DMD: variants seen among roughly 807,000 people sequenced by gnomAD.
DMD encodes dystrophin.
Under a neutral mutation model 330.1 loss-of-function variants are expected in DMD, and 63 were observed. The ratio of observed to expected loss-of-function variants is 0.19; its 90% CI spans 0.16 to 0.24. DMD has a LOEUF of 0.24. DMD is among the 10% of genes least tolerant of loss of function. The pLI, the probability that DMD is intolerant of heterozygous loss-of-function variation, is 1.00. For synonymous variants in DMD, 1,223 were observed against 959.8 expected (o/e 1.27, Z -5.07); for missense variants, 3,344 against 2,684.1 (o/e 1.25, Z -5.43).
intron 1 of DMD, among the ~76,000 whole-genome samples, chrX:33,229,902 T>C (rs1314473315): frequency 8.9e-6 from 1 of 112,198 alleles, no homozygotes; most frequent in African/African-American, 3.2e-5. Flanking sequence ...TAGCAGAGTA[T>C]ATCTCTCCAT....
chrX:32,907,971 A>G (rs1416865176), intron 2 of DMD, among the ~76,000 whole-genome samples: 1 of 111,362 alleles, frequency 9.0e-6, no homozygotes, highest in Non-Finnish European at 1.9e-5. Flanking sequence ...TACACATGAC[A>G]CATCTCTTTA....
intron 1 of DMD, among the ~76,000 whole-genome samples, chrX:33,048,234 G>C (rs2094408735): frequency 9.0e-6 from 1 of 111,602 alleles, no homozygotes; most frequent in Admixed American, 9.6e-5. Flanking sequence ...ACTGCATTTG[G>C]TGTCAACAGT....
At chrX:33,150,104 A>G (rs1034274405) in intron 1 of DMD, among the ~76,000 whole-genome samples, 4 of 110,917 alleles carry the variant, frequency 3.6e-5, no homozygotes, top group Non-Finnish European at 7.5e-5. Context: ...TTAGCTGAAG[A>G]ATAAACAGGC....
At chrX:31,226,681 T>C (rs747428815) in intron 63 of DMD, among the ~76,000 whole-genome samples, 3 of 111,243 alleles carry the variant, frequency 2.7e-5, no homozygotes, top group Non-Finnish European at 3.8e-5. Context: ...TGGTATGAAT[T>C]GTCTTGCGGC....
Position 31,238,243 on chromosome X carries a change from T to C in DMD, c.9287-15122A>G, listed in dbSNP as rs147138448. ...GTCTTTTGGATTGCCTCCTACTTCA[T>C]AGCAGACAGGGCTCATTCCCCCTTT... On this transcript the variant is annotated intron_variant, in intron 63 of 78. Transcript: ENST00000357033. Among the ~76,000 whole-genome samples the C allele has an allele frequency of 8.0e-3, 894 of 111,484 alleles. 9 individuals are homozygous for C. Among genetic ancestry groups the C allele is most frequent in the African/African-American group, 0.028 (848 of 30,658 alleles).
intron 11 of DMD, among the ~76,000 whole-genome samples, chrX:32,639,990 C>T (rs904655621): frequency 7.3e-5 from 8 of 109,671 alleles, no homozygotes. Context: ...TCACTTGAGG[C>T]CAGGAGCTTG....
intron 62 of DMD, among the ~76,000 whole-genome samples, chrX:31,267,690 G>T: frequency 8.9e-6 from 1 of 112,488 alleles, no homozygotes. Context: ...GAAGGAACTT[G>T]TTTCTAATAG....
chrX:32,259,549 TTATTA>T (rs67738950), intron 43 of DMD, among the ~76,000 whole-genome samples: 13,287 of 110,792 alleles, frequency 0.12, 595 homozygotes, highest in Non-Finnish European at 0.13. Context: ...GGATTTGATA[TTATTA>T]TATTAAATTT....
chrX:31,419,797 A>G (rs1473771191), intron 60 of DMD, among the ~76,000 whole-genome samples: 1 of 112,041 alleles, frequency 8.9e-6, no homozygotes, highest in African/African-American at 3.2e-5. Context: ...GTAGAGCTGG[A>G]GTAGGTCATC....
intron 41 of DMD, among the ~76,000 whole-genome samples, chrX:32,326,036 C>A (rs2097649009): frequency 8.9e-6 from 1 of 111,904 alleles, no homozygotes; most frequent in Non-Finnish European, 1.9e-5. Context: ...TGCTTCAATT[C>A]TCCCCATGTA....
At chrX:31,875,757 A>C (rs1287765176) in intron 47 of DMD, among the ~76,000 whole-genome samples, 1 of 112,484 alleles carries the variant, frequency 8.9e-6, no homozygotes, top group Non-Finnish European at 1.9e-5. Flanking sequence ...CTTCCTTTGC[A>C]GTTATAAAAA....
intron 7 of DMD, among the ~76,000 whole-genome samples, chrX:32,720,270 A>G (rs1223617047): frequency 1.8e-5 from 2 of 111,279 alleles, no homozygotes; most frequent in Non-Finnish European, 3.8e-5. Flanking sequence ...ATGCATTTTA[A>G]CGGTCTAATA....
intron 37 of DMD, among the ~76,000 whole-genome samples, chrX:32,349,783 T>G (rs1446722304): frequency 8.9e-6 from 1 of 111,878 alleles, no homozygotes; most frequent in Non-Finnish European, 1.9e-5. Flanking sequence ...GAGATAATTT[T>G]AAGTGACCTA....
intron 44 of DMD, among the ~76,000 whole-genome samples, chrX:32,090,142 G>A (rs745408205): frequency 2.2e-3 from 250 of 111,804 alleles, no homozygotes; most frequent in Non-Finnish European, 4.1e-3. Flanking sequence ...GTAACATAAA[G>A]TTAATAAACA....
chrX:32,514,692 G>A (rs1603635256), intron 18 of DMD, among the ~76,000 whole-genome samples: 1 of 112,677 alleles, frequency 8.9e-6, no homozygotes, highest in Non-Finnish European at 1.9e-5. Flanking sequence ...AGTGAGCCGA[G>A]ATCGCGCCAC....
chrX:33,129,570 G>T (rs1603334381), intron 1 of DMD, among the ~76,000 whole-genome samples: 1 of 107,459 alleles, frequency 9.3e-6, no homozygotes. Flanking sequence ...AAAATATTTG[G>T]CAATTATAAG....
rs112877188 is a variant in DMD, at chrX:32,880,120, C to T, written c.94-30300G>A. Reference sequence around the variant, plus strand: ...CATTGTATCCCCAGTCCACCTTTCCCGCATCCTTTTCAATTTTTTGCCAAT... The same window carrying T: ...CATTGTATCCCCAGTCCACCTTTCCTGCATCCTTTTCAATTTTTTGCCAAT... On this transcript the variant is annotated intron_variant, in intron 2 of 78. Transcript: ENST00000357033. Among the ~76,000 whole-genome samples, 486 of 111,189 alleles carry T rather than the reference C, an allele frequency of 4.4e-3. 8 individuals are homozygous for T. In the East Asian group the frequency reaches 0.065, roughly 15 times the overall value.
In DMD at chrX:31,752,323, A is replaced by G. The variant is rs749208483; in HGVS notation, c.7542+21637T>C. Among the ~76,000 whole-genome samples, 11 of 111,677 alleles carry G rather than the reference A, an allele frequency of 9.8e-5. No homozygotes were observed. The South Asian group carries it at 4.2e-3, about 42-fold the overall frequency. On this transcript the variant is annotated intron_variant, in intron 51 of 78. Coordinates refer to ENST00000357033, the MANE Select transcript of DMD (RefSeq NM_004006.3). ...GAGAAGCTGTTTGTCACAATGTGAC[A>G]TACTGACATACTTCTTCGGGTGGGT...
intron 55 of DMD, among the ~76,000 whole-genome samples, chrX:31,524,942 T>A (rs2073132711): frequency 8.9e-6 from 1 of 112,327 alleles, no homozygotes; most frequent in African/African-American, 3.2e-5. Flanking sequence ...AAATACTCCT[T>A]GAGTAGTCAA....
Sources: allele counts gnomAD v4.1 joint callset (sites outside exome capture counted in the v4.1 genomes callset), GRCh38; gene constraint gnomAD v4.1.1; transcripts MANE v1.5; gene names NCBI Gene and HGNC (gene_info 2026-07-23, HGNC 2026-07-21).